The following B4GALNT3 variants were observed in gnomAD, a reference collection of about 807,000 sequenced individuals.
The protein encoded by B4GALNT3 is beta-1,4-N-acetylgalactosaminyltransferase 3.
A neutral mutation model predicts 120.2 loss-of-function variants in B4GALNT3; 86 were observed. The ratio of observed to expected loss-of-function variants is 0.72; its 90% CI spans 0.60 to 0.86. B4GALNT3 has a LOEUF of 0.86. B4GALNT3 is among the 40% of genes least tolerant of loss of function. B4GALNT3 has a pLI of 0.00. For synonymous variants in B4GALNT3, 518 were observed against 510.4 expected (o/e 1.01, Z -0.20); for missense variants, 1,167 against 1,298.9 (o/e 0.90, Z 1.56).
rs377701496 is a variant in B4GALNT3 at position 493,210 on chromosome 12, C to G, written c.169+32665C>G. ...GACATATTTGATAAAGGATTGTAAT[C>G]CAAAACATACAAAGACAATAAGAAA... On this transcript the variant is annotated intron_variant, in intron 1 of 19. Coordinates refer to ENST00000266383, the MANE Select transcript of B4GALNT3 (RefSeq NM_173593.4). Among the ~76,000 whole-genome samples the G allele has an allele frequency of 3.0e-4, 45 of 152,240 alleles. No homozygotes were observed. The East Asian group carries it at 5.0e-3, about 17-fold the overall frequency.
intron 11 of B4GALNT3, 138 bp from the exon 12 acceptor site, chr12:551,925 C>A: frequency 1.4e-6 from 1 of 700,184 alleles, no homozygotes. Flanking sequence ...GCGCTCAGAG[C>A]AACCCTTCTC....
In B4GALNT3 at chr12:539,237, T is replaced by A. The variant is rs142503279; in HGVS notation, c.351+2942T>A. On this transcript the variant is annotated intron_variant, in intron 3 of 19. Coordinates refer to ENST00000266383, the MANE Select transcript of B4GALNT3 (RefSeq NM_173593.4). ...GCCTGGGCTTCATGGAGTGACTGTT[T>A]CAAAACTTGTTCACACCAACACTGA... 1.2e-3 allele frequency among the ~76,000 whole-genome samples: 184 copies of A among 152,286 alleles called. 2 individuals are homozygous for A. The highest frequency in any genetic ancestry group is 4.2e-3 in the African/African-American group (174 of 41,542).
At chr12:521,118 T>C (rs756593519) in intron 1 of B4GALNT3, among the ~76,000 whole-genome samples, 2 of 152,152 alleles carry the variant, frequency 1.3e-5, no homozygotes, top group African/African-American at 4.8e-5. Flanking sequence ...TTAAGCTGTT[T>C]TCACAGGGAA....
In B4GALNT3 at chr12:544,323, C is replaced by T. The variant is rs745475326; in HGVS notation, c.352-16C>T. ...GGTGCTCACGCTCACTCACCACTGG[C>T]GTCTCCGCCCTGCAGTTCCGGGGCC... On this transcript the variant is annotated splice_polypyrimidine_tract_variant and intron_variant, in intron 3 of 19. Coordinates refer to ENST00000266383, the MANE Select transcript of B4GALNT3 (RefSeq NM_173593.4). 5.6e-6 allele frequency: 9 copies of T among 1,611,962 alleles called. No homozygotes were observed. In the East Asian group the frequency reaches 6.7e-5, roughly 12 times the overall value.
Position 536,235 on chromosome 12 carries a change from A to G in B4GALNT3, c.291A>G (p.Gln97=). 1.2e-6 allele frequency: 2 copies of G among 1,614,046 alleles called. No homozygotes were observed. Among genetic ancestry groups the G allele is most frequent in the Middle Eastern group, 1.6e-4 (1 of 6,062 alleles). Residue 97 remains glutamine, a synonymous_variant, in exon 3 of 20, where the codon CAA becomes CAG. Coordinates refer to ENST00000266383, the MANE Select transcript of B4GALNT3 (RefSeq NM_173593.4). ...TCCCCTAGGACCACGACATTGACCAAGGGGTGAGCAGTAACAGCAGCTACT... is the reference window on the plus strand; with the variant it reads ...TCCCCTAGGACCACGACATTGACCAGGGGGTGAGCAGTAACAGCAGCTACT... ...RLSLEDHDID[Q]GVSSNSSYLK...
chr12:551,195 A>G (rs1010894242), intron 11 of B4GALNT3, among the ~76,000 whole-genome samples, 164 bp downstream of exon 11: 2 of 152,220 alleles, frequency 1.3e-5, no homozygotes, highest in Non-Finnish European at 2.9e-5. Context: ...TTGCACTCCC[A>G]GATGGACCGC....
intron 1 of B4GALNT3, among the ~76,000 whole-genome samples, chr12:507,311 T>G (rs1946507580): frequency 6.6e-6 from 1 of 152,244 alleles, no homozygotes. Context: ...TGGGTTAGTG[T>G]GTGTGGCCTT....
In B4GALNT3 at chr12:562,800, G is replaced by A. The variant is rs1389864621; in HGVS notation, c.*1349G>A. On this transcript the variant is annotated 3_prime_UTR_variant, in exon 20 of 20. Coordinates refer to ENST00000266383, the MANE Select transcript of B4GALNT3 (RefSeq NM_173593.4). The surrounding 1 kb of genome is among the most constrained non-coding windows in gnomAD (Gnocchi z 5.2). The stretch of plus-strand genomic sequence containing the variant: ...CACCACTGCTGTGAATTCACCCATG[G>A]TGCATTGGACACTGGATCTTGAACT... 6.6e-6 allele frequency: 1 copy of A among 152,364 alleles called. No individual in the cohort carries two copies. Among genetic ancestry groups the A allele is most frequent in the Non-Finnish European group, 1.5e-5 (1 of 68,180 alleles). The allele number at this position is 152,364 out of a possible 1,614,324, so 9.4% of individuals were successfully genotyped here.
chr12:512,391 CTT>C, intron 1 of B4GALNT3, among the ~76,000 whole-genome samples: 1 of 140,356 alleles, frequency 7.1e-6, no homozygotes. Context: ...CTTCCACCTT[CTT>C]CCACCTTTGA....
intron 1 of B4GALNT3, among the ~76,000 whole-genome samples, chr12:472,398 A>C (rs1187542700): frequency 6.6e-6 from 1 of 151,728 alleles, no homozygotes; most frequent in African/African-American, 2.4e-5. Flanking sequence ...ACCCCACCTC[A>C]GCCTCCCAAG....
chr12:504,449 G>GC (rs145084413), intron 1 of B4GALNT3, among the ~76,000 whole-genome samples: 1,704 of 133,546 alleles, frequency 0.013, 26 homozygotes, highest in African/African-American at 0.044. Context: ...CCCCGCAGCC[G>GC]CCCCCCCGCC....
chr12:521,195 G>A (rs61916637), intron 1 of B4GALNT3, among the ~76,000 whole-genome samples: 30,348 of 152,018 alleles, frequency 0.2, 3,232 homozygotes, highest in Non-Finnish European at 0.23. Context: ...CGGTCCTTCT[G>A]CCAGCAGGAC....
chr12:553,523 C>T lies in B4GALNT3; in HGVS notation c.1600C>T (p.Pro534Ser). 6.2e-7 allele frequency: 1 copy of T among 1,614,018 alleles called. No individual in the cohort carries two copies. The highest frequency in any genetic ancestry group is 8.5e-7 in the Non-Finnish European group (1 of 1,179,974). ...QDSPHSDKWP[P>S]GHPVKNLPQM... ...TTCACCTCATTCCGACAAGTGGCCT[C>T]CTGGGCACCCTGTGAAGAACCTGCC... Residue 534 changes from proline (P) to serine (S), a missense_variant, in exon 14 of 20, where the codon CCT becomes TCT. Pro to Ser is a moderately conservative substitution (Grantham distance 74). Coordinates refer to ENST00000266383, the MANE Select transcript of B4GALNT3 (RefSeq NM_173593.4).
chr12:492,691 C>T (rs1592020918), intron 1 of B4GALNT3, among the ~76,000 whole-genome samples: 1 of 152,154 alleles, frequency 6.6e-6, no homozygotes, highest in Non-Finnish European at 1.5e-5. Context: ...AGTCAGAAGA[C>T]TGACACTACC....
chr12:492,359 TATTCAC>T (rs1250141788), intron 1 of B4GALNT3, among the ~76,000 whole-genome samples: 1 of 152,200 alleles, frequency 6.6e-6, no homozygotes, highest in African/African-American at 2.4e-5. Context: ...AACTCATTAA[TATTCAC>T]ATTAGCATCC....
chr12:468,204 A>C (rs147211503), intron 1 of B4GALNT3, among the ~76,000 whole-genome samples: 1 of 152,250 alleles, frequency 6.6e-6, no homozygotes, highest in Non-Finnish European at 1.5e-5. Flanking sequence ...GAAATGAACA[A>C]TCACCTAAAA....
In B4GALNT3 at chr12:545,315, C is replaced by T. The variant is rs73592366; in HGVS notation, c.539-54C>T. The T allele has an allele frequency of 3.2e-4, 496 of 1,561,658 alleles. 1 individual carries two copies. The African/African-American group carries it at 6.0e-3, about 19-fold the overall frequency. On this transcript the variant is annotated intron_variant, in intron 5 of 19. Transcript: ENST00000266383. Reference sequence around the variant, plus strand: ...CTAAGACACTCACAAAAGCCTCCAGCTTTTATGCTGATGCCCTCCTTGCCC... The same window carrying T: ...CTAAGACACTCACAAAAGCCTCCAGTTTTTATGCTGATGCCCTCCTTGCCC...
At chr12:546,975 CT>C in intron 7 of B4GALNT3, 1 of 514,642 alleles carries the variant, frequency 1.9e-6, no homozygotes, top group Non-Finnish European at 3.5e-6. Context: ...GAAAATAGGT[CT>C]CCTTCCTCCC....
chr12:536,497 T>C (rs1336694654), intron 3 of B4GALNT3, among the ~76,000 whole-genome samples: 1 of 152,208 alleles, frequency 6.6e-6, no homozygotes, highest in African/African-American at 2.4e-5. Flanking sequence ...TTTTAAATTA[T>C]TTATTCAGTT....
Sources: allele counts gnomAD v4.1 joint callset (sites outside exome capture counted in the v4.1 genomes callset), GRCh38; gene constraint gnomAD v4.1.1; non-coding constraint Gnocchi (gnomAD v3.1); transcripts MANE v1.5; gene names NCBI Gene and HGNC (gene_info 2026-07-23, HGNC 2026-07-21).